Variants in NRXN1 observed in about 807,000 individuals in gnomAD.
NRXN1 encodes the protein neurexin-1.
A neutral mutation model predicts 150.9 loss-of-function variants in NRXN1; 39 were observed. The observed-to-expected ratio is 0.26, with a 90% CI of 0.20 to 0.34. The LOEUF (loss-of-function observed/expected upper bound fraction) is 0.34, where lower values mean the gene tolerates loss of function less well. Among genes scored for constraint, NRXN1 ranks in the 10% least tolerant of loss-of-function variants. The pLI is 1.00. For synonymous variants in NRXN1, 924 were observed against 757.0 expected (o/e 1.22, Z -3.62); for missense variants, 1,815 against 1,949.9 (o/e 0.93, Z 1.30).
chr2:50,668,716 G>A (rs2104706753), intron 5 of NRXN1, among the ~76,000 whole-genome samples: 1 of 152,074 alleles, frequency 6.6e-6, no homozygotes, highest in East Asian at 1.9e-4. Flanking sequence ...TGGAACGCAT[G>A]GATAGCATTA....
At chr2:50,928,898 G>T (rs1317309261) in intron 2 of NRXN1, among the ~76,000 whole-genome samples, 1 of 152,036 alleles carries the variant, frequency 6.6e-6, no homozygotes, top group East Asian at 1.9e-4. Flanking sequence ...CGATGACCAC[G>T]CCACCTATAA....
At chr2:50,749,981 A>G (rs1184439770) in intron 5 of NRXN1, among the ~76,000 whole-genome samples, 1 of 152,052 alleles carries the variant, frequency 6.6e-6, no homozygotes, top group Non-Finnish European at 1.5e-5. Flanking sequence ...TCGTGGTTTT[A>G]AAATAAAAGA....
intron 18 of NRXN1, among the ~76,000 whole-genome samples, chr2:50,120,602 T>C (rs1461356454): frequency 6.6e-6 from 1 of 152,196 alleles, no homozygotes; most frequent in Non-Finnish European, 1.5e-5. Context: ...CAGTCTTAGA[T>C]TGTTGTTTAA....
intron 5 of NRXN1, among the ~76,000 whole-genome samples, chr2:50,656,596 T>G (rs1686502076): frequency 6.6e-6 from 1 of 151,990 alleles, no homozygotes. Flanking sequence ...CCTGCTCTTC[T>G]TGGCTATTCA....
At chr2:50,284,111 G>A (rs1431064327) in intron 17 of NRXN1, among the ~76,000 whole-genome samples, 1 of 152,176 alleles carries the variant, frequency 6.6e-6, no homozygotes. Flanking sequence ...TCATGATTGA[G>A]ACACTGCTTT....
At chr2:50,379,774 A>T (rs946007824) in intron 17 of NRXN1, among the ~76,000 whole-genome samples, 1 of 152,188 alleles carries the variant, frequency 6.6e-6, no homozygotes, top group Non-Finnish European at 1.5e-5. Flanking sequence ...ACAGAATACA[A>T]GACTTGCTTA....
intron 8 of NRXN1, among the ~76,000 whole-genome samples, chr2:50,573,377 G>A (rs149165988): frequency 6.4e-4 from 96 of 151,154 alleles, no homozygotes; most frequent in Middle Eastern, 3.4e-3. Flanking sequence ...AAAAAAAAAC[G>A]GAATCTAAAG....
At chr2:50,298,646 A>G (rs2073862441) in intron 17 of NRXN1, among the ~76,000 whole-genome samples, 1 of 152,166 alleles carries the variant, frequency 6.6e-6, no homozygotes, top group East Asian at 1.9e-4. Flanking sequence ...AATCTCAGGA[A>G]ACAAATATTT....
rs761042625 is a variant in NRXN1, at chr2:50,623,622, G to A, written c.833-7C>T. The A allele has an allele frequency of 3.1e-6, 5 of 1,596,464 alleles. No individual in the cohort carries two copies. Among genetic ancestry groups the A allele is most frequent in the Admixed American group, 3.4e-5 (2 of 59,550 alleles). ...GCAATATATTCTTCTTTTCCTAGAG[G>A]AAAACAGATGATACATACATAAGTA... On this transcript the variant is annotated splice_region_variant and splice_polypyrimidine_tract_variant and intron_variant, in intron 5 of 22. Coordinates refer to ENST00000401669, the MANE Select transcript of NRXN1 (RefSeq NM_001330078.2).
intron 18 of NRXN1, among the ~76,000 whole-genome samples, chr2:50,235,974 C>A (rs574775915): frequency 6.6e-6 from 1 of 152,132 alleles, no homozygotes; most frequent in African/African-American, 2.4e-5. Flanking sequence ...ATAAAAGACA[C>A]TGTGCTTCTT....
chr2:50,804,981 C>A (rs756150155), intron 5 of NRXN1, among the ~76,000 whole-genome samples: 2 of 152,128 alleles, frequency 1.3e-5, no homozygotes, highest in Non-Finnish European at 2.9e-5. Flanking sequence ...GGGAGCCAGG[C>A]TCTTGGCTGC....
chr2:50,398,197 T>G (rs2082165904), intron 17 of NRXN1, among the ~76,000 whole-genome samples: 1 of 152,146 alleles, frequency 6.6e-6, no homozygotes, highest in South Asian at 2.1e-4. Flanking sequence ...GTAGAACTGT[T>G]TAGCAAATCT....
chr2:50,083,909 C>A (rs937908524), intron 19 of NRXN1, among the ~76,000 whole-genome samples: 1 of 152,092 alleles, frequency 6.6e-6, no homozygotes, highest in South Asian at 2.1e-4. Context: ...TCTCCAAGTC[C>A]GCACCAGATC....
chr2:50,887,722 A>G (rs1215384395), intron 5 of NRXN1, among the ~76,000 whole-genome samples: 1 of 151,374 alleles, frequency 6.6e-6, no homozygotes, highest in Non-Finnish European at 1.5e-5. Context: ...TAATTTTTCT[A>G]TCGTGTTTCA....
At chr2:50,012,185 A>C (rs912744306) in intron 21 of NRXN1, among the ~76,000 whole-genome samples, 1 of 152,136 alleles carries the variant, frequency 6.6e-6, no homozygotes, top group Non-Finnish European at 1.5e-5. Flanking sequence ...CATGGAAAAC[A>C]AACCATCCAT....
At chr2:50,280,419 T>A (rs1183445547) in intron 17 of NRXN1, among the ~76,000 whole-genome samples, 2 of 152,112 alleles carry the variant, frequency 1.3e-5, no homozygotes, top group Non-Finnish European at 2.9e-5. Context: ...TTTCTGAGGT[T>A]ACCCCATATC....
intron 8 of NRXN1, among the ~76,000 whole-genome samples, chr2:50,557,819 T>A (rs945929050): frequency 1.3e-5 from 2 of 152,290 alleles, no homozygotes; most frequent in African/African-American, 4.8e-5. Context: ...TAGATAGCAA[T>A]TGATTGGTCA....
chr2:50,730,821 C>T (rs967617043), intron 5 of NRXN1, among the ~76,000 whole-genome samples: 16 of 151,686 alleles, frequency 1.1e-4, no homozygotes, highest in African/African-American at 3.9e-4. Flanking sequence ...TACAGGCGCC[C>T]GCCACCACAC....
At chr2:50,155,041 T>C (rs2058930502) in intron 18 of NRXN1, among the ~76,000 whole-genome samples, 1 of 151,648 alleles carries the variant, frequency 6.6e-6, no homozygotes, top group Non-Finnish European at 1.5e-5. Context: ...GTAAAATAAC[T>C]CTAATTACCA....
Sources: gnomAD v4.1 joint callset for allele counts (sites outside exome capture counted in the v4.1 genomes callset) on GRCh38, gnomAD v4.1.1 for gene constraint, MANE v1.5 for transcripts, NCBI Gene and HGNC (gene_info 2026-07-23, HGNC 2026-07-21) for gene names.